The following ANTXR2 variants were observed in gnomAD, a reference collection of about 807,000 sequenced individuals.
ANTXR2 encodes the protein anthrax toxin receptor 2.
ANTXR2 carries 44 observed loss-of-function variants against 73.7 expected under a neutral mutation model. The ratio of observed to expected loss-of-function variants is 0.60; its 90% confidence interval spans 0.47 to 0.77. The LOEUF (loss-of-function observed/expected upper bound fraction) is 0.77, where lower values mean the gene tolerates loss of function less well. Among genes scored for constraint, ANTXR2 ranks in the 30% least tolerant of loss-of-function variants. ANTXR2 has a pLI of 0.00. For missense variants in ANTXR2, 604 were observed against 592.5 expected (o/e 1.02, Z -0.20); for synonymous variants, 217 against 205.9 (o/e 1.05, Z -0.46).
chr4:79,955,140 CTCT>C (rs1273491580), intron 16 of ANTXR2, among the ~76,000 whole-genome samples: 4 of 152,186 alleles, frequency 2.6e-5, no homozygotes, highest in South Asian at 2.1e-4. Flanking sequence ...ACACATTGAT[CTCT>C]TCTTATTTTG....
At chr4:80,063,650 T>C (rs1734368098) in intron 3 of ANTXR2, among the ~76,000 whole-genome samples, 1 of 152,130 alleles carries the variant, frequency 6.6e-6, no homozygotes, top group African/African-American at 2.4e-5. Flanking sequence ...TGTTTTCTTT[T>C]TATTTTATAA....
intron 13 of ANTXR2, 79 bp from the exon 14 acceptor site, chr4:79,984,049 T>C (rs1290707059): frequency 1.9e-6 from 2 of 1,042,830 alleles, no homozygotes; most frequent in Non-Finnish European, 2.8e-6. Flanking sequence ...CATATTTAAA[T>C]ATTTTTCTGA....
At chr4:79,908,113 G>A (rs538885741) in intron 16 of ANTXR2, among the ~76,000 whole-genome samples, 2 of 152,270 alleles carry the variant, frequency 1.3e-5, no homozygotes, top group East Asian at 3.9e-4. Context: ...ACTGTTCCAT[G>A]TGTATTGTAA....
At chr4:79,977,940 T>G in intron 15 of ANTXR2, 67 bp downstream of exon 15, 2 of 1,486,134 alleles carry the variant, frequency 1.3e-6, no homozygotes, top group Non-Finnish European at 1.8e-6. Flanking sequence ...TGGGGGGATG[T>G]GGTACAAAAA....
rs1189609198 is a variant in ANTXR2 at position 79,902,770 on chromosome 4, A to G, written c.*4659T>C. 1 of 151,438 alleles carries G rather than the reference A, an allele frequency of 6.6e-6. No homozygotes were observed. Among genetic ancestry groups the G allele is most frequent in the African/African-American group, 2.4e-5 (1 of 41,272 alleles). The allele number at this position is 151,438 out of a possible 1,614,324, so 9.4% of individuals were successfully genotyped here. A position where few individuals can be genotyped will look rare whatever the true frequency, so the allele number is the denominator to read the frequency against. Reference sequence around the variant, plus strand: ...GACAGTTTACAGAACTAATATTACCACACACTACAGACAAAGAAGCCAGTC... The same window carrying G: ...GACAGTTTACAGAACTAATATTACCGCACACTACAGACAAAGAAGCCAGTC... On this transcript the variant is annotated 3_prime_UTR_variant, in exon 17 of 17. Coordinates refer to ENST00000403729, the MANE Select transcript of ANTXR2 (RefSeq NM_058172.6).
intron 16 of ANTXR2, among the ~76,000 whole-genome samples, chr4:79,912,411 T>C (rs1727181320): frequency 6.6e-6 from 1 of 151,956 alleles, no homozygotes; most frequent in Non-Finnish European, 1.5e-5. Context: ...AATCATTAAA[T>C]TATGATCTTT....
chr4:79,978,276 A>T (rs949146724), intron 14 of ANTXR2, 102 bp from the exon 15 acceptor site: 8 of 1,126,106 alleles, frequency 7.1e-6, no homozygotes, highest in Admixed American at 3.2e-5. Flanking sequence ...CAGAGTGAAA[A>T]AGAAGATGAG....
At chr4:79,994,615 T>A (rs1310031290) in intron 12 of ANTXR2, among the ~76,000 whole-genome samples, 1 of 151,792 alleles carries the variant, frequency 6.6e-6, no homozygotes, top group Non-Finnish European at 1.5e-5. Flanking sequence ...CTCCTGAGAA[T>A]TATTCAACAT....
chr4:79,907,875 A>G (rs1726982611), intron 16 of ANTXR2, among the ~76,000 whole-genome samples: 1 of 152,180 alleles, frequency 6.6e-6, no homozygotes, highest in Non-Finnish European at 1.5e-5. Flanking sequence ...TTTAGTAAGC[A>G]GTAAGAGACT....
At chr4:79,957,514 T>A (rs1728935023) in intron 16 of ANTXR2, among the ~76,000 whole-genome samples, 1 of 152,144 alleles carries the variant, frequency 6.6e-6, no homozygotes, top group South Asian at 2.1e-4. Flanking sequence ...CTACTGATTA[T>A]ACTTTACTAC....
Position 79,918,684 on chromosome 4 carries a change from C to T in ANTXR2, c.1429-11217G>A, listed in dbSNP as rs191700967. ...TATCCACAATAGCTTTTAACAAGTG[C>T]GAAAAGTTCTTGAGACAGAAGAAAA... On this transcript the variant is annotated intron_variant, in intron 16 of 16. Transcript: ENST00000403729. Among the ~76,000 whole-genome samples the T allele has an allele frequency of 6.1e-4, 92 of 151,946 alleles. 1 individual carries two copies. Among genetic ancestry groups the T allele is most frequent in the Middle Eastern group, 3.4e-3 (1 of 294 alleles).
chr4:80,072,713 T>C lies in ANTXR2; in HGVS notation c.-153A>G. 2.2e-6 allele frequency: 3 copies of C among 1,347,758 alleles called. No individual in the cohort carries two copies. Among genetic ancestry groups the C allele is most frequent in the Non-Finnish European group, 2.8e-6 (3 of 1,054,926 alleles). The allele number at this position is 1,347,758 out of a possible 1,614,324, so 83.5% of individuals were successfully genotyped here. A position where few individuals can be genotyped will look rare whatever the true frequency, so the allele number is the denominator to read the frequency against. ...GCCTGCGGCAGCGGGACCCACCAGC[T>C]GACAGGGAGGGAGAGAGGGAGGTCC... On this transcript the variant is annotated 5_prime_UTR_variant, in exon 1 of 17. Transcript: ENST00000403729.
intron 16 of ANTXR2, among the ~76,000 whole-genome samples, chr4:79,965,930 A>C (rs1232362041): frequency 6.6e-6 from 1 of 152,182 alleles, no homozygotes; most frequent in African/African-American, 2.4e-5. Context: ...AAAAATATAA[A>C]ATCTTTCATG....
chr4:79,914,890 G>C (rs192784804), intron 16 of ANTXR2, among the ~76,000 whole-genome samples: 1 of 152,226 alleles, frequency 6.6e-6, no homozygotes, highest in African/African-American at 2.4e-5. Context: ...ATCACAAAGA[G>C]CACAGCTCTG....
chr4:79,915,822 C>G (rs1300220075), intron 16 of ANTXR2, among the ~76,000 whole-genome samples: 4 of 113,834 alleles, frequency 3.5e-5, no homozygotes, highest in Non-Finnish European at 7.1e-5. Flanking sequence ...CTGTCTCTGT[C>G]TCTCTCCCTC....
intron 1 of ANTXR2, among the ~76,000 whole-genome samples, chr4:80,072,096 G>A (rs749448859): frequency 2.6e-5 from 4 of 152,174 alleles, no homozygotes; most frequent in Non-Finnish European, 5.9e-5. Flanking sequence ...TAAGGACTCT[G>A]TGGCCGATGG....
chr4:79,958,129 A>C lies in ANTXR2; in HGVS notation c.1428+19492T>G, dbSNP rs1028074747. Among the ~76,000 whole-genome samples the C allele has an allele frequency of 2.0e-5, 3 of 151,904 alleles. 1 individual carries two copies. The highest frequency in any genetic ancestry group is 1.3e-4 in the Admixed American group (2 of 15,228). ...CTCTCTCCTTCTATATCACCTCATA[A>C]TCTGATGTTTCCTCTTCAGTGAAGT... On this transcript the variant is annotated intron_variant, in intron 16 of 16. Transcript: ENST00000403729.
chr4:79,973,280 T>G (rs771291820), intron 16 of ANTXR2, among the ~76,000 whole-genome samples: 2 of 152,226 alleles, frequency 1.3e-5, no homozygotes, highest in Non-Finnish European at 1.5e-5. Flanking sequence ...GTGGAAGAAT[T>G]CTTGCTGTGT....
At chr4:79,912,251 T>A (rs1727172931) in intron 16 of ANTXR2, among the ~76,000 whole-genome samples, 1 of 151,958 alleles carries the variant, frequency 6.6e-6, no homozygotes, top group Non-Finnish European at 1.5e-5. Flanking sequence ...TTAGAAATTA[T>A]AATTATTCAG....
Sources: gnomAD v4.1 joint callset for allele counts (sites outside exome capture counted in the v4.1 genomes callset) on GRCh38, gnomAD v4.1.1 for gene constraint, MANE v1.5 for transcripts, NCBI Gene and HGNC (gene_info 2026-07-23, HGNC 2026-07-21) for gene names.